The following PCDHA6 variants were observed in gnomAD, a reference collection of about 807,000 sequenced individuals.
PCDHA6 encodes protocadherin alpha 6.
Under a neutral mutation model 60.3 loss-of-function variants are expected in PCDHA6, and 55 were observed. The observed-to-expected ratio is 0.91, with a 90% CI of 0.73 to 1.14. The LOEUF is 1.14. PCDHA6 is among the 50% of genes most tolerant of loss of function. The pLI is 0.00. For synonymous variants in PCDHA6, 652 were observed against 557.9 expected (o/e 1.17, Z -2.38); for missense variants, 1,327 against 1,256.5 (o/e 1.06, Z -0.85).
rs2150163388 is a variant in PCDHA6, at chr5:140,829,170, G to T, written c.1079G>T (p.Arg360Leu). The T allele has an allele frequency of 3.0e-5, 49 of 1,613,982 alleles. No individual in the cohort carries two copies. Among genetic ancestry groups the T allele is most frequent in the Non-Finnish European group, 4.0e-5 (47 of 1,179,950 alleles). ...CTGACTTCCTTATCCTTGCCTGTAC[G>T]TGAAGACGCTCAATTTGGTACTGTC... is the stretch of plus-strand genomic sequence containing the variant. ...IALTSLSLPV[R>L]EDAQFGTVIA... is the part of the protein sequence containing the mutation. The change falls in exon 1 of 4, where the codon CGT becomes CTT. Residue 360 changes from arginine to leucine, a missense_variant. Coordinates refer to ENST00000529310, the MANE Select transcript of PCDHA6 (RefSeq NM_018909.4).
intron 1 of PCDHA6, among the ~76,000 whole-genome samples, chr5:140,914,495 A>G (rs1469336186): frequency 2.0e-5 from 3 of 152,164 alleles, no homozygotes; most frequent in Non-Finnish European, 4.4e-5. Context: ...CTTGTGGGCA[A>G]CAGATCATTG....
intron 1 of PCDHA6, among the ~76,000 whole-genome samples, chr5:140,907,117 T>G (rs2073177882): frequency 6.6e-6 from 1 of 152,156 alleles, no homozygotes; most frequent in Non-Finnish European, 1.5e-5. Context: ...ACCCCTTGAT[T>G]CCTGGACCTG....
chr5:140,832,463 A>G (rs1009680795), intron 1 of PCDHA6, among the ~76,000 whole-genome samples: 1 of 152,236 alleles, frequency 6.6e-6, no homozygotes, highest in South Asian at 2.1e-4. Context: ...TTGCACTAAA[A>G]TTTAAAAAAA....
intron 1 of PCDHA6, chr5:140,868,837 C>A (rs543405019): frequency 2.7e-4 from 116 of 427,288 alleles, no homozygotes; most frequent in Non-Finnish European, 3.6e-4. Context: ...AAACCCAAAA[C>A]ACGTGAAATT....
chr5:140,869,373 C>A (rs782224697), intron 1 of PCDHA6: 1 of 1,614,102 alleles, frequency 6.2e-7, no homozygotes, highest in Non-Finnish European at 8.5e-7. Context: ...ATTCTCGGAT[C>A]GACCGCGAGG....
At chr5:140,848,272 A>G (rs1781411932) in intron 1 of PCDHA6, 2 of 538,068 alleles carry the variant, frequency 3.7e-6, no homozygotes, top group Non-Finnish European at 6.6e-6. Context: ...TATTCATGAA[A>G]TATGTACTTA....
chr5:140,924,116 G>C (rs2081683465), intron 1 of PCDHA6, among the ~76,000 whole-genome samples: 1 of 152,178 alleles, frequency 6.6e-6, no homozygotes, highest in African/African-American at 2.4e-5. Flanking sequence ...AAAGCAGTTA[G>C]CTTGCTTAGC....
intron 1 of PCDHA6, chr5:140,969,328 T>C (rs2096319778): frequency 1.2e-6 from 2 of 1,614,124 alleles, no homozygotes; most frequent in Admixed American, 1.7e-5. Flanking sequence ...TTTCTCAAAA[T>C]GAGGTGAGAC....
chr5:140,848,680 G>C (rs2150417098), intron 1 of PCDHA6: 2 of 1,592,250 alleles, frequency 1.3e-6, no homozygotes, highest in African/African-American at 1.3e-5. Context: ...CTGGTGCCGC[G>C]CCTGTTCCAG....
At chr5:140,973,728 C>G (rs1193811831) in intron 1 of PCDHA6, among the ~76,000 whole-genome samples, 1 of 152,232 alleles carries the variant, frequency 6.6e-6, no homozygotes, top group African/African-American at 2.4e-5. Context: ...ACATGGGCAT[C>G]TGGTCTAACT....
At chr5:140,886,138 T>C (rs1166911705) in intron 1 of PCDHA6, among the ~76,000 whole-genome samples, 2 of 152,208 alleles carry the variant, frequency 1.3e-5, no homozygotes, top group African/African-American at 4.8e-5. Flanking sequence ...AACCAGATTC[T>C]TGATATCACC....
chr5:140,891,876 G>C (rs781983742), intron 1 of PCDHA6, among the ~76,000 whole-genome samples: 9 of 152,186 alleles, frequency 5.9e-5, no homozygotes, highest in Non-Finnish European at 1.2e-4. Context: ...TTTTGGCTCT[G>C]TCATGTGACG....
rs367885958 is a variant in PCDHA6, at chr5:140,884,427, C to G, written c.2394+53942C>G. The G allele has an allele frequency of 2.5e-5, 40 of 1,613,840 alleles. No individual in the cohort carries two copies. The African/African-American group carries it at 5.1e-4, about 20-fold the overall frequency. ...GTGCTCACGTTGCTGCTGTATACTG[C>G]GCTGCGGTGCTCGGCACCGCCCACC... is the stretch of plus-strand genomic sequence containing the variant. On this transcript the variant is annotated intron_variant, in intron 1 of 3. Coordinates refer to ENST00000529310, the MANE Select transcript of PCDHA6 (RefSeq NM_018909.4).
At chr5:140,989,620 C>T (rs1197614071) in intron 3 of PCDHA6, among the ~76,000 whole-genome samples, 1 of 152,168 alleles carries the variant, frequency 6.6e-6, no homozygotes, top group African/African-American at 2.4e-5. Context: ...GAAAGTCTGT[C>T]CTAGTGACAG....
At chr5:140,834,569 C>A in intron 1 of PCDHA6, 1 of 1,614,088 alleles carries the variant, frequency 6.2e-7, no homozygotes, top group South Asian at 1.1e-5. Flanking sequence ...TGGTGCCGCG[C>A]CTGTTCCGGG....
chr5:140,830,007 A>T lies in PCDHA6; in HGVS notation c.1916A>T (p.Glu639Val). Residue 639 changes from glutamate to valine, a missense_variant, in exon 1 of 4, where the codon GAA (glutamate) becomes GTA (valine). Physicochemically the swap from Glu to Val is moderately radical, Grantham distance 121 (BLOSUM62 -2). Coordinates refer to ENST00000529310, the MANE Select transcript of PCDHA6 (RefSeq NM_018909.4). ...GEISTTRVLD[E>V]ADSPRHRLLV... ...ATCAGCACCACTCGTGTCCTGGACGAAGCGGACTCTCCGCGCCACCGGCTG... is the reference window on the plus strand; with the variant it reads ...ATCAGCACCACTCGTGTCCTGGACGTAGCGGACTCTCCGCGCCACCGGCTG... The T allele has an allele frequency of 6.2e-7, 1 of 1,613,948 alleles. No individual in the cohort carries two copies. The highest frequency in any genetic ancestry group is 8.5e-7 in the Non-Finnish European group (1 of 1,179,932).
At chr5:140,833,054 T>G (rs1193790961) in intron 1 of PCDHA6, among the ~76,000 whole-genome samples, 1 of 152,118 alleles carries the variant, frequency 6.6e-6, no homozygotes. Context: ...AGAAAAGTAA[T>G]ATGAGAAAAA....
chr5:140,887,853 C>G (rs145942561), intron 1 of PCDHA6, among the ~76,000 whole-genome samples: 1 of 152,170 alleles, frequency 6.6e-6, no homozygotes, highest in African/African-American at 2.4e-5. Flanking sequence ...GACATATTTT[C>G]CAAGTTCACT....
chr5:141,009,573 G>T, intron 3 of PCDHA6, 54 bp from the exon 4 acceptor site: 2 of 1,580,662 alleles, frequency 1.3e-6, no homozygotes, highest in South Asian at 1.2e-5. Context: ...CAGCAGTGTG[G>T]CATCAAGAGC....
Sources: gnomAD v4.1 joint callset for allele counts (sites outside exome capture counted in the v4.1 genomes callset) on GRCh38, gnomAD v4.1.1 for gene constraint, MANE v1.5 for transcripts, NCBI Gene and HGNC (gene_info 2026-07-23, HGNC 2026-07-21) for gene names.